The following FREM1 variants were observed in gnomAD, a reference collection of about 807,000 sequenced individuals.
FREM1 encodes the protein FRAS1 related extracellular matrix 1.
A neutral mutation model predicts 210.1 loss-of-function variants in FREM1; 220 were observed. The observed-to-expected ratio is 1.05, with a 90% CI of 0.94 to 1.17. The LOEUF is 1.17. FREM1 is among the 50% of genes most tolerant of loss of function. FREM1 has a pLI of 0.00. For missense variants in FREM1, 3,454 were observed against 2,675.5 expected, an observed-to-expected ratio of 1.29 and a Z score of -6.42; for synonymous variants, 1,189 against 980.2, an observed-to-expected ratio of 1.21 and a Z score of -3.98.
At chr9:14,871,069 G>C (rs550916707) in intron 1 of FREM1, among the ~76,000 whole-genome samples, 1 of 152,076 alleles carries the variant, frequency 6.6e-6, no homozygotes, top group East Asian at 1.9e-4. Flanking sequence ...GGACATTTGG[G>C]TTGGTTCCAA....
intron 35 of FREM1, among the ~76,000 whole-genome samples, chr9:14,744,960 C>G (rs10810232): frequency 0.14 from 20,857 of 152,158 alleles, 1,774 homozygotes; most frequent in East Asian, 0.19. Context: ...AGATTATGTC[C>G]TTTGCAGGGA....
chr9:14,785,695 A>ATATACCATATGAT (rs6150929), intron 23 of FREM1, among the ~76,000 whole-genome samples: 1 of 151,998 alleles, frequency 6.6e-6, no homozygotes, highest in Non-Finnish European at 1.5e-5. Context: ...ATGAAAAGAT[A>ATATACCATATGAT]TCCACTTACA....
chr9:14,801,910 T>C (rs1817362359), intron 19 of FREM1, 36 bp from the exon 20 acceptor site: 3 of 1,462,946 alleles, frequency 2.1e-6, no homozygotes, highest in Middle Eastern at 2.3e-4. Flanking sequence ...CAACAATGCA[T>C]AAAAGACAAC....
chr9:14,871,492 T>A (rs1832671419), intron 1 of FREM1, among the ~76,000 whole-genome samples: 2 of 152,194 alleles, frequency 1.3e-5, no homozygotes, highest in South Asian at 4.1e-4. Flanking sequence ...GCCCACTTTT[T>A]GATGGGGTTG....
chr9:14,754,391 A>G (rs1843916144), intron 29 of FREM1, among the ~76,000 whole-genome samples: 1 of 152,234 alleles, frequency 6.6e-6, no homozygotes, highest in South Asian at 2.1e-4. Flanking sequence ...TGGAAGAACC[A>G]GCTTATCTGA....
chr9:14,796,977 AG>A (rs1852528348), intron 21 of FREM1, among the ~76,000 whole-genome samples: 2 of 152,194 alleles, frequency 1.3e-5, no homozygotes, highest in Non-Finnish European at 2.9e-5. Flanking sequence ...GTGAGGCGGG[AG>A]GGGGTGTTGA....
intron 27 of FREM1, among the ~76,000 whole-genome samples, chr9:14,767,343 A>AGTC (rs1288054670): frequency 3.9e-5 from 6 of 152,228 alleles, no homozygotes; most frequent in Non-Finnish European, 8.8e-5. Flanking sequence ...AGAAGAAGAC[A>AGTC]AGTCTGGTGT....
chr9:14,752,849 CCAAACAAA>C (rs200424771), intron 29 of FREM1, among the ~76,000 whole-genome samples: 3 of 151,886 alleles, frequency 2.0e-5, no homozygotes, highest in African/African-American at 7.3e-5. Flanking sequence ...ATAGTACCCC[CCAAACAAA>C]CAAACAAACA....
intron 29 of FREM1, among the ~76,000 whole-genome samples, chr9:14,750,499 C>T (rs773491098): frequency 4.6e-5 from 7 of 151,694 alleles, no homozygotes; most frequent in African/African-American, 1.2e-4. Flanking sequence ...AACACTGTAA[C>T]AAAAAAGTAA....
rs771371925 is a variant in FREM1, at chr9:14,857,686, C to A, written c.695G>T (p.Ser232Ile). 3 of 1,613,566 alleles carry A rather than the reference C, an allele frequency of 1.9e-6. No individual in the cohort carries two copies. The highest frequency in any genetic ancestry group is 2.5e-6 in the Non-Finnish European group (3 of 1,179,682). Residue 232 changes from serine (S) to isoleucine (I), a missense_variant, in exon 5 of 37, where the codon AGC (serine) becomes ATC (isoleucine). Physicochemically the swap from Ser to Ile is moderately radical, Grantham distance 142. Transcript: ENST00000380880. ...GAACTCCTCACAGCTCACTTTGAGG[C>A]TTCCTATTTTCTTTAATCCTGGGGT... ...SCTPGLKKIG[S>I]LKVSCEEFLL... is the part of the protein sequence containing the mutation.
chr9:14,884,086 G>A (rs911624837), intron 1 of FREM1, among the ~76,000 whole-genome samples: 5 of 152,090 alleles, frequency 3.3e-5, no homozygotes, highest in Non-Finnish European at 5.9e-5. Flanking sequence ...AAAATCAGCC[G>A]GGCGTGGTGG....
intron 36 of FREM1, among the ~76,000 whole-genome samples, chr9:14,739,469 TATATATAA>T (rs1470476593): frequency 7.8e-6 from 1 of 127,970 alleles, no homozygotes. Context: ...TATATATATA[TATATATAA>T]TTCATATATA....
rs185693600 is a variant in FREM1, at chr9:14,853,092, C to A, written c.829-1485G>T. ...TTCAACACCAAACATTGGCACGGAG[C>A]AGGAAGAGCAGAGCAATGCCATATC... On this transcript the variant is annotated intron_variant, in intron 5 of 36. Transcript: ENST00000380880. 4.1e-4 allele frequency among the ~76,000 whole-genome samples: 63 copies of A among 152,274 alleles called. 1 individual carries two copies. Among genetic ancestry groups the A allele is most frequent in the African/African-American group, 1.5e-3 (62 of 41,558 alleles).
rs1372026956 is a variant in FREM1, at chr9:14,740,253, G to A, written c.6255-19C>T. ...CAGGTATCTAAATGCAAATGAAAAT[G>A]AGAGTATCAGCAACAAGCAGTTAAC... is the stretch of plus-strand genomic sequence containing the variant. On this transcript the variant is annotated intron_variant, in intron 35 of 36. Coordinates refer to ENST00000380880, the MANE Select transcript of FREM1 (RefSeq NM_001379081.2). The A allele has an allele frequency of 6.4e-7, 1 of 1,551,428 alleles. No homozygotes were observed. Among genetic ancestry groups the A allele is most frequent in the Non-Finnish European group, 8.9e-7 (1 of 1,123,654 alleles).
intron 29 of FREM1, 37 bp from the exon 30 acceptor site, chr9:14,750,313 C>T: frequency 6.6e-7 from 1 of 1,510,454 alleles, no homozygotes; most frequent in Non-Finnish European, 9.2e-7. Context: ...TCTTTAATTG[C>T]TATTTCAATC....
At chr9:14,758,435 C>A (rs1844824218) in intron 28 of FREM1, among the ~76,000 whole-genome samples, 1 of 152,068 alleles carries the variant, frequency 6.6e-6, no homozygotes, top group Non-Finnish European at 1.5e-5. Context: ...ATTCCATAAG[C>A]AATCTTCTGG....
chr9:14,782,212 T>C (rs1849748412), intron 24 of FREM1: 2 of 286,792 alleles, frequency 7.0e-6, no homozygotes, highest in Non-Finnish European at 1.0e-5. Flanking sequence ...CTGGCAATTA[T>C]CTGAGGATCC....
intron 10 of FREM1, among the ~76,000 whole-genome samples, chr9:14,826,499 T>C (rs867132715): frequency 3.2e-4 from 48 of 152,340 alleles, no homozygotes; most frequent in African/African-American, 1.2e-3. Flanking sequence ...GCTTTCCTCC[T>C]GTTTTATCCA....
chr9:14,778,770 C>T lies in FREM1; in HGVS notation c.4443-2567G>A, dbSNP rs964434765. On this transcript the variant is annotated intron_variant, in intron 24 of 36. Transcript: ENST00000380880. The stretch of plus-strand genomic sequence containing the variant: ...GAAGGAAAGGAAAGGAAGTCAGGCG[C>T]GGTAGCTCACGCCTATAGCTTGGAC... Among the ~76,000 whole-genome samples, 135 of 97,436 alleles carry T rather than the reference C, an allele frequency of 1.4e-3. 2 individuals carry two copies. Among genetic ancestry groups the T allele is most frequent in the Non-Finnish European group, 6.9e-4 (31 of 45,046 alleles). 63.9% of individuals were successfully genotyped at this position (97,436 alleles called of 152,430 possible).
Sources: gnomAD v4.1 joint callset for allele counts (sites outside exome capture counted in the v4.1 genomes callset) on GRCh38, gnomAD v4.1.1 for gene constraint, MANE v1.5 for transcripts, NCBI Gene and HGNC (gene_info 2026-07-23, HGNC 2026-07-21) for gene names.